The following INSL6 variants were observed in gnomAD, a reference collection of about 807,000 sequenced individuals.
INSL6 encodes insulin-like peptide INSL6.
Under a neutral mutation model 9.4 loss-of-function variants are expected in INSL6, and 16 were observed. The observed-to-expected ratio is 1.70, with a 90% CI of 1.15 to 2.59. The LOEUF (loss-of-function observed/expected upper bound fraction) is 2.59. Among genes scored for constraint, INSL6 ranks in the 30% most tolerant of loss-of-function variants. The probability of loss-of-function intolerance (pLI) is 0.00; values close to 1 mark genes in which losing one functional copy is unlikely to be tolerated. For missense variants in INSL6, 391 were observed against 257.3 expected (o/e 1.52, Z -3.56); for synonymous variants, 154 against 96.9 (o/e 1.59, Z -3.46).
chr9:5,065,871 G>C, the INSL6 span, among the ~76,000 whole-genome samples: 1 of 152,022 alleles, frequency 6.6e-6, no homozygotes, highest in Non-Finnish European at 1.5e-5. Context: ...ATACATCTTG[G>C]GTAATATAAA....
chr9:5,111,668 G>A, the INSL6 span: 13 of 408,876 alleles, frequency 3.2e-5, no homozygotes, highest in Admixed American at 5.9e-5. Flanking sequence ...GCCCAGCAGC[G>A]GCCCTGTGGG....
At chr9:5,064,539 A>T in the INSL6 span, among the ~76,000 whole-genome samples, 1 of 152,030 alleles carries the variant, frequency 6.6e-6, no homozygotes, top group East Asian at 1.9e-4. Flanking sequence ...AAAAAAAAAA[A>T]AGAAAAAAGG....
the INSL6 span, chr9:5,090,691 T>C: frequency 1.3e-6 from 2 of 1,545,102 alleles, no homozygotes; most frequent in Non-Finnish European, 1.7e-6. Flanking sequence ...ACCATTTAAA[T>C]TGTTTATATT....
chr9:5,011,922 C>G, the INSL6 span, among the ~76,000 whole-genome samples: 1 of 152,190 alleles, frequency 6.6e-6, no homozygotes, highest in African/African-American at 2.4e-5. Context: ...AGTGGAAAGC[C>G]TGAGATATTT....
chr9:5,172,699 T>C (rs1383737076), intron 1 of INSL6, among the ~76,000 whole-genome samples: 2 of 151,958 alleles, frequency 1.3e-5, no homozygotes, highest in Non-Finnish European at 2.9e-5. Context: ...GAGGCCGAGG[T>C]GGGCAGATAC....
the INSL6 span, chr9:5,114,424 C>G: frequency 4.0e-6 from 2 of 494,254 alleles, no homozygotes; most frequent in Non-Finnish European, 8.0e-6. Context: ...AAGGGGGAGA[C>G]CTACCAGTGC....
the INSL6 span, among the ~76,000 whole-genome samples, chr9:5,035,159 T>TAC: frequency 1.3e-5 from 2 of 152,154 alleles, no homozygotes; most frequent in African/African-American, 4.8e-5. Flanking sequence ...CCTGGACACA[T>TAC]ACACCCTCCC....
intron 1 of INSL6, among the ~76,000 whole-genome samples, chr9:5,185,031 G>C (rs1015562700): frequency 6.6e-6 from 1 of 151,890 alleles, no homozygotes; most frequent in African/African-American, 2.4e-5. Flanking sequence ...GGGCTTTGAA[G>C]GACAAAAAGG....
intron 1 of INSL6, among the ~76,000 whole-genome samples, chr9:5,174,520 G>C (rs1399492281): frequency 6.6e-6 from 1 of 152,000 alleles, no homozygotes; most frequent in Non-Finnish European, 1.5e-5. Context: ...CTAAGTAGTT[G>C]TCCCTTTTCT....
the INSL6 span, among the ~76,000 whole-genome samples, chr9:4,992,874 TCTCAGTCCTGC>T: frequency 2.6e-5 from 4 of 152,336 alleles, no homozygotes; most frequent in East Asian, 7.7e-4. Context: ...CTTGATTAGG[TCTCAGTCCTGC>T]TTCCTGGAAG....
the INSL6 span, among the ~76,000 whole-genome samples, chr9:5,057,581 T>A: frequency 3.8e-5 from 1 of 26,204 alleles, no homozygotes. Context: ...TTCTACTTTC[T>A]TTTTTTTTTT....
At chr9:5,175,021 G>C (rs950354378) in intron 1 of INSL6, among the ~76,000 whole-genome samples, 4 of 151,444 alleles carry the variant, frequency 2.6e-5, no homozygotes, top group Non-Finnish European at 4.4e-5. Flanking sequence ...CTCACTGCAA[G>C]CTCTGCCTCC....
the INSL6 span, among the ~76,000 whole-genome samples, chr9:5,035,635 T>C: frequency 1.3e-5 from 2 of 152,124 alleles, no homozygotes; most frequent in Non-Finnish European, 2.9e-5. Flanking sequence ...GCAAAAACCA[T>C]ATGATTATCT....
the INSL6 span, among the ~76,000 whole-genome samples, chr9:5,032,563 T>C: frequency 3.9e-5 from 6 of 152,288 alleles, no homozygotes; most frequent in Non-Finnish European, 8.8e-5. Flanking sequence ...AGAGGAACAG[T>C]CAGGCAGCAA....
chr9:5,078,545 T>C, the INSL6 span: 3 of 810,392 alleles, frequency 3.7e-6, no homozygotes, highest in Non-Finnish European at 5.8e-6. Flanking sequence ...TTAATTTGTA[T>C]GTTCCTGATT....
At chr9:5,149,767 A>G (rs1824676217) in intron 2 of INSL6, among the ~76,000 whole-genome samples, 1 of 152,218 alleles carries the variant, frequency 6.6e-6, no homozygotes. Flanking sequence ...AAAAGAGCCC[A>G]TGTGGCCAAA....
At chr9:5,101,979 C>T in the INSL6 span, among the ~76,000 whole-genome samples, 1 of 152,152 alleles carries the variant, frequency 6.6e-6, no homozygotes, top group South Asian at 2.1e-4. Flanking sequence ...ATTCTAAAAA[C>T]CAGAGGGCCT....
At chr9:5,045,042 G>C in the INSL6 span, among the ~76,000 whole-genome samples, 24 of 152,264 alleles carry the variant, frequency 1.6e-4, no homozygotes, top group African/African-American at 5.8e-4. Flanking sequence ...CACTAATACA[G>C]TTATGTCAAA....
chr9:5,103,270 C>G, the INSL6 span, among the ~76,000 whole-genome samples: 2 of 131,790 alleles, frequency 1.5e-5, no homozygotes, highest in Non-Finnish European at 3.1e-5. Flanking sequence ...GAGTTGCAAT[C>G]CCGGTCTCTG....
Sources: gnomAD v4.1 joint callset for allele counts (sites outside exome capture counted in the v4.1 genomes callset) on GRCh38, gnomAD v4.1.1 for gene constraint, MANE v1.5 for transcripts, NCBI Gene and HGNC (gene_info 2026-07-23, HGNC 2026-07-21) for gene names.